Variants in TRPM6 observed in about 807,000 individuals in gnomAD.
TRPM6 encodes the protein channel kinase 2.
A neutral mutation model predicts 247.6 loss-of-function variants in TRPM6; 111 were observed. The ratio of observed to expected loss-of-function variants is 0.45; its 90% CI spans 0.38 to 0.52. The LOEUF is 0.52. Among genes scored for constraint, TRPM6 ranks in the 20% least tolerant of loss-of-function variants. The pLI, the probability that TRPM6 is intolerant of heterozygous loss-of-function variation, is 0.00. For synonymous variants in TRPM6, 892 were observed against 853.8 expected (o/e 1.04, Z -0.78); for missense variants, 2,126 against 2,421.5 (o/e 0.88, Z 2.56).
chr9:74,811,463 G>A (rs1020450180), intron 12 of TRPM6, among the ~76,000 whole-genome samples: 5 of 152,214 alleles, frequency 3.3e-5, no homozygotes, highest in African/African-American at 9.6e-5. Flanking sequence ...ATTTCAAGAA[G>A]TGTCCATGGC....
intron 1 of TRPM6, among the ~76,000 whole-genome samples, chr9:74,866,770 C>T (rs1031491284): frequency 6.6e-5 from 10 of 152,076 alleles, no homozygotes; most frequent in African/African-American, 1.7e-4. Context: ...CGTGAGCCAC[C>T]GCATCCAGCC....
chr9:74,749,166 A>C (rs189403212), intron 30 of TRPM6, among the ~76,000 whole-genome samples: 4 of 152,298 alleles, frequency 2.6e-5, no homozygotes, highest in Admixed American at 2.0e-4. Context: ...GCACTCTACG[A>C]TATTTGCACA....
At chr9:74,734,718 C>A (rs1164075036) in intron 36 of TRPM6, among the ~76,000 whole-genome samples, 1 of 152,132 alleles carries the variant, frequency 6.6e-6, no homozygotes, top group Non-Finnish European at 1.5e-5. Context: ...TTCCTTATCA[C>A]TAGTAAAATC....
chr9:74,822,093 A>G (rs1829150185), intron 7 of TRPM6, among the ~76,000 whole-genome samples: 1 of 152,218 alleles, frequency 6.6e-6, no homozygotes, highest in South Asian at 2.1e-4. Context: ...AATTTTTCAA[A>G]AAAATAAGTA....
At chr9:74,868,162 T>C (rs1019262867) in intron 1 of TRPM6, among the ~76,000 whole-genome samples, 1 of 142,218 alleles carries the variant, frequency 7.0e-6, no homozygotes, top group South Asian at 2.3e-4. Flanking sequence ...AAAAAAAAAC[T>C]TTGACACCTC....
chr9:74,759,482 C>A (rs931890441), intron 27 of TRPM6, among the ~76,000 whole-genome samples: 3 of 151,952 alleles, frequency 2.0e-5, no homozygotes, highest in African/African-American at 2.4e-5. Flanking sequence ...AAGATATCTT[C>A]TATTATTGTT....
chr9:74,810,240 G>A (rs960991546), intron 13 of TRPM6, among the ~76,000 whole-genome samples: 5 of 152,118 alleles, frequency 3.3e-5, no homozygotes, highest in Non-Finnish European at 7.4e-5. Context: ...TGTTAAAGTT[G>A]GAAGGCTTTG....
chr9:74,739,563 T>G (rs1357667556), intron 34 of TRPM6, 114 bp from the exon 35 acceptor site: 4 of 1,486,560 alleles, frequency 2.7e-6, no homozygotes, highest in African/African-American at 2.8e-5. Flanking sequence ...CTCCCACCAC[T>G]GCCTGCCCCA....
At chr9:74,875,932 GAGA>G (rs777524385) in intron 1 of TRPM6, among the ~76,000 whole-genome samples, 3 of 152,168 alleles carry the variant, frequency 2.0e-5, no homozygotes, top group Non-Finnish European at 4.4e-5. Flanking sequence ...TCTCTTTCCT[GAGA>G]AGATTACAAG....
At chr9:74,751,683 G>A (rs577475373) in intron 29 of TRPM6, among the ~76,000 whole-genome samples, 6 of 152,288 alleles carry the variant, frequency 3.9e-5, no homozygotes, top group East Asian at 3.9e-4. Context: ...CTGCAAAACC[G>A]GAGAATCTCA....
At chr9:74,767,105 C>T (rs1279854888) in intron 25 of TRPM6, among the ~76,000 whole-genome samples, 3 of 152,136 alleles carry the variant, frequency 2.0e-5, no homozygotes, top group Admixed American at 6.5e-5. Context: ...AAATGAACAA[C>T]AATTCTCATG....
At chr9:74,776,619 A>C (rs1673321325) in intron 23 of TRPM6, among the ~76,000 whole-genome samples, 1 of 152,240 alleles carries the variant, frequency 6.6e-6, no homozygotes, top group South Asian at 2.1e-4. Context: ...TTAACTTTAC[A>C]ATAAAAGTAA....
chr9:74,808,225 T>G lies in TRPM6; in HGVS notation c.1498-51A>C, dbSNP rs2117864577. The G allele has an allele frequency of 1.9e-6, 3 of 1,610,256 alleles. No individual in the cohort carries two copies. The East Asian group carries it at 6.7e-5, about 36-fold the overall frequency. ...TTAACTTTTAGTTATCTTCTTTCAT[T>G]TCTCTTGCCATGCCATTAGAACATA... On this transcript the variant is annotated intron_variant, in intron 13 of 38. Transcript: ENST00000360774.
At chr9:74,835,714 T>A (rs2118142784) in intron 5 of TRPM6, among the ~76,000 whole-genome samples, 1 of 152,262 alleles carries the variant, frequency 6.6e-6, no homozygotes, top group East Asian at 1.9e-4. Flanking sequence ...TTTGTAGAGC[T>A]TTGGACAATT....
At chr9:74,764,394 C>T (rs1826757502) in intron 25 of TRPM6, among the ~76,000 whole-genome samples, 1 of 152,102 alleles carries the variant, frequency 6.6e-6, no homozygotes, top group Admixed American at 6.5e-5. Context: ...GATACACACA[C>T]ACAGAGGGAA....
intron 37 of TRPM6, among the ~76,000 whole-genome samples, chr9:74,730,868 A>G (rs1308901937): frequency 1.3e-5 from 2 of 152,226 alleles, no homozygotes; most frequent in Admixed American, 1.3e-4. Flanking sequence ...GTAACCCCAC[A>G]AAACCAGGAA....
chr9:74,789,530 T>A (rs531724829), intron 19 of TRPM6, among the ~76,000 whole-genome samples: 1 of 152,296 alleles, frequency 6.6e-6, no homozygotes, highest in Non-Finnish European at 1.5e-5. Context: ...CATTGAAAAC[T>A]GTGACAAATA....
At chr9:74,826,732 CTTTCTTTTTTTT>C in intron 7 of TRPM6, 1 of 111,650 alleles carries the variant, frequency 9.0e-6, no homozygotes, top group Non-Finnish European at 1.9e-5. Context: ...TTTTCTTTTT[CTTTCTTTTTTTT>C]TTTTTTTTTT....
chr9:74,790,037 G>GTGT (rs1564015649), intron 19 of TRPM6, among the ~76,000 whole-genome samples: 4 of 122,962 alleles, frequency 3.3e-5, no homozygotes, highest in South Asian at 2.8e-4. Context: ...TGTGTGTGTG[G>GTGT]GTTCATTCTC....
Sources: gnomAD v4.1 joint callset for allele counts (sites outside exome capture counted in the v4.1 genomes callset) on GRCh38, gnomAD v4.1.1 for gene constraint, MANE v1.5 for transcripts, NCBI Gene and HGNC (gene_info 2026-07-23, HGNC 2026-07-21) for gene names.